The following POLR1E variants were observed in gnomAD, a reference collection of about 807,000 sequenced individuals.
POLR1E encodes the protein RNA polymerase I subunit E, also known as DNA-directed RNA polymerase I subunit RPA49.
POLR1E carries 37 observed loss-of-function variants against 50.9 expected under a neutral mutation model. The ratio of observed to expected loss-of-function variants is 0.73; its 90% CI spans 0.56 to 0.96. The LOEUF (loss-of-function observed/expected upper bound fraction) is 0.96, where lower values mean the gene tolerates loss of function less well. Among genes scored for constraint, POLR1E ranks in the 40% least tolerant of loss-of-function variants. POLR1E has a pLI of 0.00. For synonymous variants in POLR1E, 166 were observed against 191.6 expected (o/e 0.87, Z 1.10); for missense variants, 426 against 518.1 (o/e 0.82, Z 1.73).
At chr9:37,493,173 G>A (rs1029016911) in intron 5 of POLR1E, among the ~76,000 whole-genome samples, 1 of 152,182 alleles carries the variant, frequency 6.6e-6, no homozygotes, top group Non-Finnish European at 1.5e-5. Flanking sequence ...AGGGTTGTGA[G>A]GCTACTTTTT....
At chr9:37,490,752 C>G in intron 4 of POLR1E, 1 of 655,712 alleles carries the variant, frequency 1.5e-6, no homozygotes, top group Non-Finnish European at 2.9e-6. Flanking sequence ...CCTTTTTGAA[C>G]AGTACCCATT....
At chr9:37,500,640 A>G (rs1049355819) in intron 9 of POLR1E, among the ~76,000 whole-genome samples, 200 bp from the exon 10 acceptor site, 2 of 152,190 alleles carry the variant, frequency 1.3e-5, no homozygotes, top group Non-Finnish European at 2.9e-5. Context: ...TCTCTCGTGC[A>G]GGGCAAACTG....
chr9:37,496,929 C>G (rs1164528006), intron 8 of POLR1E, among the ~76,000 whole-genome samples: 1 of 152,166 alleles, frequency 6.6e-6, no homozygotes, highest in East Asian at 1.9e-4. Context: ...TGAGCCTTAA[C>G]ATTTTTGCCA....
chr9:37,496,991 C>G (rs757878974), intron 8 of POLR1E, among the ~76,000 whole-genome samples: 24 of 152,132 alleles, frequency 1.6e-4, no homozygotes, highest in Admixed American at 8.5e-4. Flanking sequence ...AGAAAAAATG[C>G]TCAGGAGGAG....
At chr9:37,495,868 T>G in intron 7 of POLR1E, 22 bp from the exon 8 acceptor site, 1 of 1,568,990 alleles carries the variant, frequency 6.4e-7, no homozygotes, top group Non-Finnish European at 8.8e-7. Context: ...TTGGTTGGAT[T>G]ATATTCTTGA....
chr9:37,490,310 C>A (rs10814550), intron 4 of POLR1E: 94,035 of 456,642 alleles, frequency 0.21, 10,137 homozygotes, highest in Admixed American at 0.27. Context: ...TGAACTAGGA[C>A]ATAATTAAAA....
intron 4 of POLR1E, 87 bp from the exon 5 acceptor site, chr9:37,492,570 G>C: frequency 8.0e-7 from 1 of 1,251,696 alleles, no homozygotes; most frequent in Admixed American, 1.9e-5. Flanking sequence ...ATTATTCTTA[G>C]ATAGACAAAT....
At chr9:37,498,707 G>C (rs1454449689) in intron 9 of POLR1E, among the ~76,000 whole-genome samples, 1 of 152,210 alleles carries the variant, frequency 6.6e-6, no homozygotes, top group Non-Finnish European at 1.5e-5. Flanking sequence ...TGGTAACCCA[G>C]TGTCACCTGT....
rs74961221 is a variant in POLR1E, at chr9:37,492,513, G to T, written c.344-144G>T. 2,907 of 853,980 alleles carry T rather than the reference G, an allele frequency of 3.4e-3. 45 individuals carry two copies. In the East Asian group the frequency reaches 0.055, roughly 16 times the overall value. The allele number at this position is 853,980 out of a possible 1,614,324, so 52.9% of individuals were successfully genotyped here. A position where few individuals can be genotyped will look rare whatever the true frequency, so the allele number is the denominator to read the frequency against. ...TAAAGCTGCATATTAAATATTCACA[G>T]TATACACTCATGTTAGGCTCAGGGA... On this transcript the variant is annotated intron_variant, in intron 4 of 11. Coordinates refer to ENST00000377798, the MANE Select transcript of POLR1E (RefSeq NM_022490.4).
intron 10 of POLR1E, among the ~76,000 whole-genome samples, chr9:37,501,205 C>T (rs73646388): frequency 0.069 from 10,439 of 152,290 alleles, 465 homozygotes; most frequent in Middle Eastern, 0.13. Context: ...TAGCCCTTCC[C>T]GATGTCTCAC....
At chr9:37,496,254 G>C (rs934395605) in intron 8 of POLR1E, among the ~76,000 whole-genome samples, 1 of 152,164 alleles carries the variant, frequency 6.6e-6, no homozygotes, top group Non-Finnish European at 1.5e-5. Flanking sequence ...ACTAGAGCTG[G>C]CCTGTGTCAC....
At chr9:37,488,775 T>C (rs1041651962) in intron 3 of POLR1E, among the ~76,000 whole-genome samples, 9 of 151,992 alleles carry the variant, frequency 5.9e-5, no homozygotes, top group African/African-American at 2.2e-4. Context: ...CTAGTAGCTT[T>C]TTTTTTTTTC....
At chr9:37,490,585 T>A (rs1820665900) in intron 4 of POLR1E, 1 of 711,754 alleles carries the variant, frequency 1.4e-6, no homozygotes, top group Non-Finnish European at 2.6e-6. Flanking sequence ...TTCACCCGTT[T>A]CATGAAGCTT....
chr9:37,501,024 C>A, intron 10 of POLR1E, 103 bp downstream of exon 10: 2 of 1,157,662 alleles, frequency 1.7e-6, no homozygotes, highest in South Asian at 1.4e-5. Context: ...CACGGAGATG[C>A]AGTGCTGAAA....
At chr9:37,492,598 A>G (rs1820704059) in intron 4 of POLR1E, 59 bp from the exon 5 acceptor site, 1 of 1,438,864 alleles carries the variant, frequency 6.9e-7, no homozygotes, top group Middle Eastern at 1.7e-4. Flanking sequence ...AAACACTATT[A>G]CTATTTGTAG....
At chr9:37,493,152 C>G (rs1196584427) in intron 5 of POLR1E, among the ~76,000 whole-genome samples, 4 of 152,182 alleles carry the variant, frequency 2.6e-5, no homozygotes, top group Non-Finnish European at 4.4e-5. Context: ...GTGTGGAGCA[C>G]TGTATTGAGA....
chr9:37,494,220 C>A (rs528398340), intron 6 of POLR1E, among the ~76,000 whole-genome samples: 1 of 151,866 alleles, frequency 6.6e-6, no homozygotes, highest in Non-Finnish European at 1.5e-5. Flanking sequence ...TTCTTTTTAC[C>A]GATTTTGGAG....
rs1293791454 is a variant in POLR1E at position 37,500,709 on chromosome 9, G to A, written c.887-131G>A. The A allele has an allele frequency of 3.8e-5, 25 of 654,532 alleles. No homozygotes were observed. In the South Asian group the frequency reaches 4.6e-4, roughly 12 times the overall value. The allele number at this position is 654,532 out of a possible 1,614,324, so 40.5% of individuals were successfully genotyped here. A position where few individuals can be genotyped will look rare whatever the true frequency, so the allele number is the denominator to read the frequency against. On this transcript the variant is annotated intron_variant, in intron 9 of 11. Transcript: ENST00000377798. ...GATGTGGCTGTTCTGCTTTGTGTGG[G>A]CCCTGCTTCTCTTACCACCTGGTTC... is the stretch of plus-strand genomic sequence containing the variant.
At chr9:37,488,550 C>G (rs113799896) in intron 3 of POLR1E, among the ~76,000 whole-genome samples, 3,537 of 146,346 alleles carry the variant, frequency 0.024, 135 homozygotes, top group African/African-American at 0.084. Context: ...GAGGAGAGGT[C>G]AGATGGGTGT....
Sources: allele counts gnomAD v4.1 joint callset (sites outside exome capture counted in the v4.1 genomes callset), GRCh38; gene constraint gnomAD v4.1.1; transcripts MANE v1.5; gene names NCBI Gene and HGNC (gene_info 2026-07-23, HGNC 2026-07-21).